The following JAKMIP2 variants were observed in gnomAD, a reference collection of about 807,000 sequenced individuals.
JAKMIP2 encodes janus kinase and microtubule interacting protein 2.
JAKMIP2 carries 25 observed loss-of-function variants against 115.0 expected under a neutral mutation model. The observed-to-expected ratio is 0.22, with a 90% CI of 0.16 to 0.30. JAKMIP2 has a LOEUF of 0.30. Ranked by LOEUF, JAKMIP2 falls within the 10% of genes least tolerant of loss-of-function variation. JAKMIP2 has a pLI of 1.00. For synonymous variants in JAKMIP2, 334 were observed against 343.6 expected (o/e 0.97, Z 0.31); for missense variants, 642 against 957.6 (o/e 0.67, Z 4.35).
rs926382225 is a variant in JAKMIP2, at chr5:147,629,161, C to T, written c.1930-345G>A. ...GTAATTTTACTAATTCTGTTCTCTC[C>T]TTTGATAATTTTTCAAGGGAAAAAC... On this transcript the variant is annotated intron_variant, in intron 15 of 21. Coordinates refer to ENST00000616793, the MANE Select transcript of JAKMIP2 (RefSeq NM_001270941.2). 2.0e-5 allele frequency among the ~76,000 whole-genome samples: 3 copies of T among 152,040 alleles called. No individual in the cohort carries two copies. The East Asian group carries it at 5.8e-4, about 29-fold the overall frequency.
At chr5:147,655,302 T>G (rs926356037) in intron 3 of JAKMIP2, among the ~76,000 whole-genome samples, 3 of 152,210 alleles carry the variant, frequency 2.0e-5, no homozygotes, top group Non-Finnish European at 4.4e-5. Flanking sequence ...GTACCTCTGG[T>G]AGAATTCAGC....
chr5:147,678,959 TTTTATTTATTTATTTA>T (rs60338770), intron 1 of JAKMIP2, among the ~76,000 whole-genome samples: 8 of 147,898 alleles, frequency 5.4e-5, no homozygotes, highest in East Asian at 2.0e-4. Flanking sequence ...CCAACTACAT[TTTTATTTATTTATTTA>T]TTTATTTATT....
intron 1 of JAKMIP2, among the ~76,000 whole-genome samples, chr5:147,705,710 G>A (rs993287812): frequency 1.3e-5 from 2 of 152,142 alleles, no homozygotes; most frequent in African/African-American, 4.8e-5. Context: ...CTATCCACAG[G>A]ATAAAGTGTA....
At chr5:147,749,747 T>C (rs1190143567) in intron 1 of JAKMIP2, among the ~76,000 whole-genome samples, 1 of 152,232 alleles carries the variant, frequency 6.6e-6, no homozygotes, top group Non-Finnish European at 1.5e-5. Flanking sequence ...ATTTTGCATA[T>C]ATGCTAACAC....
chr5:147,657,274 C>T (rs1013028589), intron 3 of JAKMIP2, among the ~76,000 whole-genome samples: 2 of 149,312 alleles, frequency 1.3e-5, no homozygotes, highest in East Asian at 2.0e-4. Context: ...AGCGAGACTC[C>T]GTCTCAAACA....
At chr5:147,689,100 AG>A (rs1164490624) in intron 1 of JAKMIP2, among the ~76,000 whole-genome samples, 1 of 152,144 alleles carries the variant, frequency 6.6e-6, no homozygotes, top group East Asian at 1.9e-4. Context: ...TGGGGGGGAA[AG>A]CGTGCCAGGG....
At chr5:147,632,855 GT>G in intron 12 of JAKMIP2, 77 bp from the exon 13 acceptor site, 2 of 842,680 alleles carry the variant, frequency 2.4e-6, no homozygotes, top group Non-Finnish European at 2.0e-6. Context: ...ATAGTGTTCA[GT>G]TTACTCAGTG....
intron 1 of JAKMIP2, among the ~76,000 whole-genome samples, chr5:147,759,143 C>A (rs935651770): frequency 2.6e-5 from 4 of 151,718 alleles, no homozygotes; most frequent in African/African-American, 9.7e-5. Context: ...AATACATGCC[C>A]ATACCAGAAG....
chr5:147,638,711 TGC>T (rs1338564061), intron 10 of JAKMIP2, among the ~76,000 whole-genome samples: 1 of 141,482 alleles, frequency 7.1e-6, no homozygotes, highest in Non-Finnish European at 1.6e-5. Context: ...GTGGTCATGC[TGC>T]CTTTTGGCTC....
At chr5:147,631,644 A>G in intron 13 of JAKMIP2, 133 bp from the exon 14 acceptor site, 2 of 561,938 alleles carry the variant, frequency 3.6e-6, no homozygotes, top group Non-Finnish European at 6.2e-6. Flanking sequence ...TTCAATCTCA[A>G]GATGTTCATG....
At position 147,678,091 on chromosome 5, in the gene JAKMIP2, GC is replaced by G. The variant is rs573320938; in HGVS notation, c.-148-6138del. Among the ~76,000 whole-genome samples, 453 of 152,078 alleles carry G rather than the reference GC, an allele frequency of 3.0e-3. 3 individuals carry two copies. Among genetic ancestry groups the G allele is most frequent in the Non-Finnish European group, 5.5e-3 (374 of 68,006 alleles). ...GCGAACTTGGCTTACTGCAACCTTT[GC>G]CCCCCGGATTCAAGCATTCTCCTGC... On this transcript the variant is annotated intron_variant, in intron 1 of 21. Coordinates refer to ENST00000616793, the MANE Select transcript of JAKMIP2 (RefSeq NM_001270941.2).
At chr5:147,722,405 C>T (rs536069634) in intron 1 of JAKMIP2, among the ~76,000 whole-genome samples, 1 of 152,250 alleles carries the variant, frequency 6.6e-6, no homozygotes, top group East Asian at 1.9e-4. Context: ...TGATTACCTG[C>T]TTTGCACGTG....
At position 147,585,694 on chromosome 5, in the gene JAKMIP2, T is replaced by G. The variant is rs1402111845; in HGVS notation, c.*6013A>C. 6.6e-6 allele frequency: 1 copy of G among 152,138 alleles called. No homozygotes were observed. Among genetic ancestry groups the G allele is most frequent in the African/African-American group, 2.4e-5 (1 of 41,436 alleles). 9.4% of individuals were successfully genotyped at this position (152,138 alleles called of 1,614,324 possible). On this transcript the variant is annotated 3_prime_UTR_variant, in exon 22 of 22. Coordinates refer to ENST00000616793, the MANE Select transcript of JAKMIP2 (RefSeq NM_001270941.2). ...AGCACTGAAGTGATATATGGAGTCA[T>G]GCTAATGAGATGGAAAGAAAGAACC... is the stretch of plus-strand genomic sequence containing the variant.
At chr5:147,623,988 C>A (rs555295760) in intron 16 of JAKMIP2, among the ~76,000 whole-genome samples, 21 of 152,202 alleles carry the variant, frequency 1.4e-4, no homozygotes, top group African/African-American at 5.1e-4. Context: ...GCGCCTGCCA[C>A]CACGCCTGGC....
chr5:147,640,712 A>G lies in JAKMIP2; in HGVS notation c.1393T>C (p.Leu465=), dbSNP rs773972492. 1 of 1,613,716 alleles carries G rather than the reference A, an allele frequency of 6.2e-7. No individual in the cohort carries two copies. Among genetic ancestry groups the G allele is most frequent in the Non-Finnish European group, 8.5e-7 (1 of 1,179,744 alleles). ...DRTPATPDDD[L]DESLAAEESE... ...GAAGTAGAAAAGCTTACTTCATCCA[A>G]GTCATCATCAGGAGTAGCTGGTGTT... is the stretch of plus-strand genomic sequence containing the variant. The change falls in exon 9 of 22, where the codon TTG becomes CTG. Residue 465 remains leucine (L), a synonymous_variant. Transcript: ENST00000616793.
At chr5:147,722,114 T>C (rs557224225) in intron 1 of JAKMIP2, among the ~76,000 whole-genome samples, 1 of 152,196 alleles carries the variant, frequency 6.6e-6, no homozygotes, top group East Asian at 1.9e-4. Flanking sequence ...AGGAACAGAA[T>C]GATTCCTAAA....
intron 1 of JAKMIP2, among the ~76,000 whole-genome samples, chr5:147,683,106 A>G (rs1760381837): frequency 6.6e-6 from 1 of 152,204 alleles, no homozygotes; most frequent in Non-Finnish European, 1.5e-5. Flanking sequence ...GCGGGAAGCA[A>G]TTATGTATTC....
At position 147,660,987 on chromosome 5, in the gene JAKMIP2, C is replaced by G; in HGVS notation, c.588G>C (p.Ser196=). ...CCCGCTCCGACTCCCACTTGATCTTCGAGATGGCTTCTTGGTGGGACTGAT... is the reference window on the plus strand; with the variant it reads ...CCCGCTCCGACTCCCACTTGATCTTGGAGATGGCTTCTTGGTGGGACTGAT... The part of the protein sequence containing the change: ...SEHQSHQEAI[S]KIKWESERDI... The change falls in exon 3 of 22, where the codon TCG becomes TCC. Residue 196 remains serine (S), a synonymous_variant. Coordinates refer to ENST00000616793, the MANE Select transcript of JAKMIP2 (RefSeq NM_001270941.2). The G allele has an allele frequency of 3.1e-6, 5 of 1,613,984 alleles. No individual in the cohort carries two copies. The highest frequency in any genetic ancestry group is 1.3e-5 in the African/African-American group (1 of 74,988).
chr5:147,645,626 C>T (rs899616290), intron 5 of JAKMIP2, among the ~76,000 whole-genome samples: 1 of 152,092 alleles, frequency 6.6e-6, no homozygotes, highest in African/African-American at 2.4e-5. Flanking sequence ...GTTATCCACC[C>T]ATAATTAAGA....
Sources: gnomAD v4.1 joint callset for allele counts (sites outside exome capture counted in the v4.1 genomes callset) on GRCh38, gnomAD v4.1.1 for gene constraint, MANE v1.5 for transcripts, NCBI Gene and HGNC (gene_info 2026-07-23, HGNC 2026-07-21) for gene names.